Variants in ASAP3 observed in about 807,000 individuals in gnomAD.
The protein encoded by ASAP3 is ArfGAP with SH3 domain, ankyrin repeat and PH domain 3.
ASAP3 carries 85 observed loss-of-function variants against 118.2 expected under a neutral mutation model. That is an observed-to-expected ratio of 0.72 (90% confidence interval 0.60 to 0.86). ASAP3 has a LOEUF of 0.86. Among genes scored for constraint, ASAP3 ranks in the 40% least tolerant of loss-of-function variants. ASAP3 has a pLI of 0.00. For synonymous variants in ASAP3, 432 were observed against 477.4 expected (o/e 0.90, Z 1.24); for missense variants, 1,026 against 1,175.0 (o/e 0.87, Z 1.85).
Position 23,433,631 on chromosome 1 carries a change from C to A in ASAP3, c.2014G>T (p.Glu672Ter). 1 of 1,614,250 alleles carries A rather than the reference C, an allele frequency of 6.2e-7. No individual in the cohort carries two copies. Among genetic ancestry groups the A allele is most frequent in the East Asian group, 2.2e-5 (1 of 44,892 alleles). The change falls in exon 20 of 25, where the codon GAG becomes TAG. Residue 672 changes from glutamate to a stop codon, truncating the protein, a stop_gained. Coordinates refer to ENST00000336689, the MANE Select transcript of ASAP3 (RefSeq NM_017707.4). LOFTEE classifies it high-confidence loss of function. ...ARKKHHKECE[E>*]LLEQAQAGTF... ...TTGCCTCCCCGAGTCCTCACCAGCT[C>A]CTCACACTCCTTGTGGTGCTTCTTC... is the stretch of plus-strand genomic sequence containing the variant.
chr1:23,444,169 G>A (rs993647820), intron 5 of ASAP3, among the ~76,000 whole-genome samples: 1 of 152,146 alleles, frequency 6.6e-6, no homozygotes, highest in Non-Finnish European at 1.5e-5. Flanking sequence ...ACGCCCCACC[G>A]TGCTCTTCTC....
chr1:23,433,288 A>T lies in ASAP3; in HGVS notation c.2128-16T>A, dbSNP rs1263449658. The stretch of plus-strand genomic sequence containing the variant: ...GCAAGCAGCGCTGCCAGAGCAAAAG[A>T]TTGAGGATGAGGACAGCCTGGTTCC... On this transcript the variant is annotated splice_polypyrimidine_tract_variant and intron_variant, in intron 21 of 24. Coordinates refer to ENST00000336689, the MANE Select transcript of ASAP3 (RefSeq NM_017707.4). 6.2e-7 allele frequency: 1 copy of T among 1,603,862 alleles called. No individual in the cohort carries two copies. Among genetic ancestry groups the T allele is most frequent in the Non-Finnish European group, 8.5e-7 (1 of 1,173,902 alleles).
intron 5 of ASAP3, among the ~76,000 whole-genome samples, chr1:23,443,311 G>C (rs1640937254): frequency 6.6e-6 from 1 of 152,186 alleles, no homozygotes; most frequent in African/African-American, 2.4e-5. Flanking sequence ...CACCCGAATA[G>C]TGTACATGGT....
intron 1 of ASAP3, among the ~76,000 whole-genome samples, chr1:23,469,581 G>C (rs181667956): frequency 6.6e-6 from 1 of 152,152 alleles, no homozygotes; most frequent in Non-Finnish European, 1.5e-5. Flanking sequence ...GCCCTGGCCC[G>C]GAGCAGATCA....
intron 1 of ASAP3, among the ~76,000 whole-genome samples, chr1:23,467,157 C>T (rs1641798588): frequency 6.6e-6 from 1 of 151,588 alleles, no homozygotes; most frequent in Admixed American, 6.6e-5. Context: ...AGCCACCTCA[C>T]CCGGCCCATT....
Position 23,434,242 on chromosome 1 carries a change from T to C in ASAP3, c.1951+12A>G. 3 of 1,613,658 alleles carry C rather than the reference T, an allele frequency of 1.9e-6. No individual in the cohort carries two copies. The highest frequency in any genetic ancestry group is 2.5e-6 in the Non-Finnish European group (3 of 1,179,670). On this transcript the variant is annotated intron_variant, in intron 19 of 24. Transcript: ENST00000336689. ...GAATAGGAGTCTGACGGAGGAGGTA[T>C]TCAAGCCCCACCTGTGCCAACCAAA...
chr1:23,431,867 C>A lies in ASAP3; in HGVS notation c.2375G>T (p.Ser792Ile), dbSNP rs1293342577. The change falls in exon 23 of 25, where the codon AGC (serine) becomes ATC (isoleucine). Residue 792 changes from serine to isoleucine, a missense_variant. Coordinates refer to ENST00000336689, the MANE Select transcript of ASAP3 (RefSeq NM_017707.4). ...LSSEAPETPE[S>I]LGSPASSSSL... ...GGAGGAGGAGGCTGGACTGCCCAGG[C>A]TCTCAGGGGTCTCAGGGGCCTCTGA... 3.1e-6 allele frequency: 5 copies of A among 1,603,488 alleles called. No individual in the cohort carries two copies. The African/African-American group carries it at 6.8e-5, about 22-fold the overall frequency.
At chr1:23,458,599 A>C (rs1018050030) in intron 1 of ASAP3, among the ~76,000 whole-genome samples, 1 of 152,176 alleles carries the variant, frequency 6.6e-6, no homozygotes, top group Admixed American at 6.5e-5. Flanking sequence ...GCCCTGTCTC[A>C]AAAAGCAAAG....
At chr1:23,472,709 T>C (rs917059588) in intron 1 of ASAP3, among the ~76,000 whole-genome samples, 3 of 152,238 alleles carry the variant, frequency 2.0e-5, no homozygotes, top group African/African-American at 7.2e-5. Context: ...GTATGTTTCC[T>C]GATCTTTTTA....
intron 7 of ASAP3, among the ~76,000 whole-genome samples, 175 bp downstream of exon 7, chr1:23,442,011 G>A (rs971723145): frequency 2.0e-5 from 3 of 152,186 alleles, no homozygotes; most frequent in Non-Finnish European, 4.4e-5. Context: ...TGAGCGAATT[G>A]ATGTTTGTAA....
At chr1:23,484,291 C>A, upstream of ASAP3, 1 of 722,500 alleles carries the variant, frequency 1.4e-6, no homozygotes, top group East Asian at 4.4e-5. Flanking sequence ...GCTCTCCGCT[C>A]CTCAGCTGGG....
chr1:23,479,065 A>C (rs928008535), intron 1 of ASAP3, among the ~76,000 whole-genome samples: 2 of 152,120 alleles, frequency 1.3e-5, no homozygotes, highest in Admixed American at 1.3e-4. Flanking sequence ...TGATGAAACC[A>C]GGGGTGGAGA....
intron 1 of ASAP3, among the ~76,000 whole-genome samples, chr1:23,460,307 G>C (rs1265633616): frequency 2.0e-5 from 3 of 152,014 alleles, no homozygotes; most frequent in Non-Finnish European, 4.4e-5. Context: ...AGGAGTTCAA[G>C]ACCAGCCTGG....
At chr1:23,447,815 C>T (rs1317501807) in intron 5 of ASAP3, among the ~76,000 whole-genome samples, 1 of 150,982 alleles carries the variant, frequency 6.6e-6, no homozygotes, top group Non-Finnish European at 1.5e-5. Flanking sequence ...AAGTACACAA[C>T]TTTGTCAATG....
upstream of ASAP3, chr1:23,484,424 C>A: frequency 4.4e-6 from 1 of 227,378 alleles, no homozygotes; most frequent in Non-Finnish European, 8.4e-6. Context: ...AGGCCACGCC[C>A]CCAGCCCCTC....
At chr1:23,455,549 G>T (rs1641355032) in intron 3 of ASAP3, among the ~76,000 whole-genome samples, 2 of 152,124 alleles carry the variant, frequency 1.3e-5, no homozygotes, top group South Asian at 4.1e-4. Context: ...GTGGTATAAA[G>T]GTAGGAACCC....
At chr1:23,465,244 T>G (rs12132473) in intron 1 of ASAP3, among the ~76,000 whole-genome samples, 14,702 of 152,262 alleles carry the variant, frequency 0.097, 1,401 homozygotes, top group South Asian at 0.23. Flanking sequence ...CAACTCCATG[T>G]TGATCCTCGT....
At chr1:23,476,109 G>A (rs1400975012) in intron 1 of ASAP3, among the ~76,000 whole-genome samples, 1 of 152,160 alleles carries the variant, frequency 6.6e-6, no homozygotes, top group Non-Finnish European at 1.5e-5. Flanking sequence ...ACTTTGGGAG[G>A]CTGAGGCGGG....
intron 1 of ASAP3, among the ~76,000 whole-genome samples, chr1:23,459,709 A>T (rs1012943914): frequency 6.6e-6 from 1 of 152,204 alleles, no homozygotes; most frequent in Admixed American, 6.5e-5. Flanking sequence ...GTTTCTGGCA[A>T]CTTTCCAGAT....
Sources: gnomAD v4.1 joint callset for allele counts (sites outside exome capture counted in the v4.1 genomes callset) on GRCh38, gnomAD v4.1.1 for gene constraint, MANE v1.5 for transcripts, NCBI Gene and HGNC (gene_info 2026-07-23, HGNC 2026-07-21) for gene names.